The following BABAM2 variants were observed in gnomAD, a reference collection of about 807,000 sequenced individuals.
BABAM2 encodes the protein BRISC and BRCA1-A complex member 2.
Under a neutral mutation model 54.7 loss-of-function variants are expected in BABAM2, and 31 were observed. The observed-to-expected ratio is 0.57, with a 90% confidence interval of 0.43 to 0.77. BABAM2 has a LOEUF of 0.77. BABAM2 is among the 30% of genes least tolerant of loss of function. BABAM2 has a pLI of 0.00. For synonymous variants in BABAM2, 167 were observed against 162.9 expected, an observed-to-expected ratio of 1.03 and a Z score of -0.19; for missense variants, 364 against 455.8, an observed-to-expected ratio of 0.80 and a Z score of 1.83.
chr2:28,046,480 T>G (rs1677585987), intron 6 of BABAM2, among the ~76,000 whole-genome samples: 2 of 151,760 alleles, frequency 1.3e-5, no homozygotes, highest in East Asian at 3.9e-4. Flanking sequence ...AAACAACAGA[T>G]AAAAAACAAA....
At chr2:28,115,482 C>T (rs961057734) in intron 6 of BABAM2, among the ~76,000 whole-genome samples, 4 of 151,884 alleles carry the variant, frequency 2.6e-5, no homozygotes, top group Admixed American at 2.6e-4. Context: ...AAAAATTATC[C>T]AGGCGTGGTG....
At chr2:28,208,399 T>C (rs1679103445) in intron 7 of BABAM2, among the ~76,000 whole-genome samples, 1 of 152,204 alleles carries the variant, frequency 6.6e-6, no homozygotes, top group South Asian at 2.1e-4. Flanking sequence ...TTTTGTATTG[T>C]TGTTTATTTG....
intron 4 of BABAM2, among the ~76,000 whole-genome samples, chr2:27,989,229 C>T (rs1293240893): frequency 6.6e-6 from 1 of 152,042 alleles, no homozygotes; most frequent in African/African-American, 2.4e-5. Context: ...AGAGATTTCA[C>T]CACAGACTTC....
intron 10 of BABAM2, among the ~76,000 whole-genome samples, chr2:28,247,507 A>C (rs1225087153): frequency 6.6e-6 from 1 of 152,052 alleles, no homozygotes; most frequent in African/African-American, 2.4e-5. Context: ...TCTCCCTTCC[A>C]TGAAGATGGG....
intron 7 of BABAM2, among the ~76,000 whole-genome samples, chr2:28,132,911 A>G (rs1329780455): frequency 6.6e-6 from 1 of 152,228 alleles, no homozygotes; most frequent in Non-Finnish European, 1.5e-5. Context: ...ACAGTTATCA[A>G]TTGCCTAATT....
intron 6 of BABAM2, among the ~76,000 whole-genome samples, chr2:28,106,483 T>C (rs1667536170): frequency 6.6e-6 from 1 of 152,246 alleles, no homozygotes; most frequent in Non-Finnish European, 1.5e-5. Flanking sequence ...TCCTTGACAT[T>C]TACAACATTT....
At chr2:27,933,819 C>T (rs1410481710) in intron 3 of BABAM2, among the ~76,000 whole-genome samples, 3 of 141,004 alleles carry the variant, frequency 2.1e-5, no homozygotes, top group African/African-American at 8.2e-5. Context: ...CCAGGCTGGA[C>T]TTGAACTCCT....
intron 5 of BABAM2, among the ~76,000 whole-genome samples, chr2:28,041,874 C>T (rs1202254060): frequency 6.6e-6 from 1 of 152,276 alleles, no homozygotes; most frequent in South Asian, 2.1e-4. Flanking sequence ...GAATAAACTG[C>T]AGGTGAACAA....
intron 4 of BABAM2, among the ~76,000 whole-genome samples, chr2:28,020,851 C>A (rs941881100): frequency 4.6e-5 from 7 of 151,476 alleles, no homozygotes; most frequent in Non-Finnish European, 8.8e-5. Context: ...TCTATAAAGT[C>A]CCCCCCGTTA....
At chr2:28,192,085 AGT>A (rs1676974093) in intron 7 of BABAM2, among the ~76,000 whole-genome samples, 1 of 152,096 alleles carries the variant, frequency 6.6e-6, no homozygotes, top group Non-Finnish European at 1.5e-5. Context: ...CCCAGGCTGG[AGT>A]GCAGTGGCAC....
chr2:28,211,840 A>G (rs1400323442), intron 7 of BABAM2, among the ~76,000 whole-genome samples: 1 of 152,234 alleles, frequency 6.6e-6, no homozygotes, highest in East Asian at 1.9e-4. Context: ...TACTGATATT[A>G]TATATAACAA....
chr2:28,210,353 C>T (rs1480390849), intron 7 of BABAM2, among the ~76,000 whole-genome samples: 1 of 152,164 alleles, frequency 6.6e-6, no homozygotes, highest in East Asian at 1.9e-4. Flanking sequence ...ATATGAAGTG[C>T]TAAATTATGC....
intron 6 of BABAM2, among the ~76,000 whole-genome samples, chr2:28,099,875 T>G (rs1316087243): frequency 2.6e-5 from 4 of 152,168 alleles, no homozygotes; most frequent in Non-Finnish European, 5.9e-5. Context: ...TCTTGAATTT[T>G]TATCTATTTA....
chr2:27,897,524 GA>G (rs1665430624), intron 2 of BABAM2, among the ~76,000 whole-genome samples: 1 of 152,010 alleles, frequency 6.6e-6, no homozygotes, highest in South Asian at 2.1e-4. Flanking sequence ...GAGTTGATCA[GA>G]AGACAGTTTT....
At chr2:27,946,127 T>C (rs986506721) in intron 3 of BABAM2, among the ~76,000 whole-genome samples, 1 of 152,194 alleles carries the variant, frequency 6.6e-6, no homozygotes, top group African/African-American at 2.4e-5. Flanking sequence ...AGAAGGTAGT[T>C]AGTCTTTCAT....
intron 9 of BABAM2, among the ~76,000 whole-genome samples, chr2:28,242,591 A>G (rs1300828520): frequency 6.6e-6 from 1 of 152,192 alleles, no homozygotes; most frequent in Non-Finnish European, 1.5e-5. Flanking sequence ...AAATATATAA[A>G]TATATCTAGT....
intron 10 of BABAM2, among the ~76,000 whole-genome samples, chr2:28,245,961 C>CA (rs1423603653): frequency 6.6e-6 from 1 of 151,860 alleles, no homozygotes; most frequent in Admixed American, 6.5e-5. Flanking sequence ...GGGCAGAAAC[C>CA]AAAAAAACAT....
chr2:28,330,575 A>G (rs1179416846), intron 11 of BABAM2, among the ~76,000 whole-genome samples: 1 of 152,208 alleles, frequency 6.6e-6, no homozygotes, highest in Admixed American at 6.5e-5. Flanking sequence ...ATGAACTCCC[A>G]TTCACAGTTG....
rs145062012 is a variant in BABAM2, at chr2:28,043,334, T to G, written c.496-2391T>G. On this transcript the variant is annotated intron_variant, in intron 5 of 11. Transcript: ENST00000379624. Reference sequence around the variant, plus strand: ...TTAGTAGAGACGGGGTTTCACCATATTGGCCAGGCTGGTCTCGAACTCCTG... The same window carrying G: ...TTAGTAGAGACGGGGTTTCACCATAGTGGCCAGGCTGGTCTCGAACTCCTG... Among the ~76,000 whole-genome samples, 57 of 152,132 alleles carry G rather than the reference T, an allele frequency of 3.7e-4. 4 individuals carry two copies. In the East Asian group the frequency reaches 0.011, roughly 30 times the overall value.
Sources: allele counts gnomAD v4.1 joint callset (sites outside exome capture counted in the v4.1 genomes callset), GRCh38; gene constraint gnomAD v4.1.1; transcripts MANE v1.5; gene names NCBI Gene and HGNC (gene_info 2026-07-23, HGNC 2026-07-21).